The following PTK2 variants were observed in gnomAD, a reference collection of about 807,000 sequenced individuals.
The protein encoded by PTK2 is protein tyrosine kinase 2, also known as focal adhesion kinase 1.
PTK2 carries 45 observed loss-of-function variants against 150.1 expected under a neutral mutation model. The ratio of observed to expected loss-of-function variants is 0.30; its 90% CI spans 0.24 to 0.38. PTK2 has a LOEUF of 0.38. Among genes scored for constraint, PTK2 ranks in the 10% least tolerant of loss-of-function variants. The pLI, the probability that PTK2 is intolerant of heterozygous loss-of-function variation, is 1.00. For synonymous variants in PTK2, 432 were observed against 449.2 expected (o/e 0.96, Z 0.48); for missense variants, 919 against 1,307.3 (o/e 0.70, Z 4.58).
intron 28 of PTK2, 90 bp from the exon 32 acceptor site, chr8:140,674,494 C>CT: frequency 8.5e-7 from 1 of 1,182,460 alleles, no homozygotes; most frequent in Non-Finnish European, 1.2e-6. Flanking sequence ...AATCTCAGCA[C>CT]TTTGGGAGGC....
intron 10 of PTK2, among the ~76,000 whole-genome samples, chr8:140,805,605 C>G (rs1435181783): frequency 6.9e-6 from 1 of 144,470 alleles, no homozygotes; most frequent in African/African-American, 2.5e-5. Flanking sequence ...ATTCCTGAGC[C>G]AAAAAAAAAA....
intron 1 of PTK2, among the ~76,000 whole-genome samples, chr8:140,941,642 G>A (rs1380805151): frequency 2.6e-5 from 4 of 151,722 alleles, no homozygotes; most frequent in East Asian, 3.9e-4. Context: ...AGTTTATTGG[G>A]AAAAAAAATG....
At chr8:140,915,228 GGATGGGGGTACAGT>G (rs1437328249) in intron 2 of PTK2, among the ~76,000 whole-genome samples, 1 of 151,950 alleles carries the variant, frequency 6.6e-6, no homozygotes, top group Non-Finnish European at 1.5e-5. Flanking sequence ...GACAGAACAG[GGATGGGGGTACAGT>G]GATGGCAGGA....
At chr8:140,886,959 C>T (rs1430521146) in intron 3 of PTK2, among the ~76,000 whole-genome samples, 1 of 152,100 alleles carries the variant, frequency 6.6e-6, no homozygotes, top group Non-Finnish European at 1.5e-5. Context: ...ATTGTACAGC[C>T]TGGGTTTCTC....
In PTK2 at chr8:141,000,679, C is replaced by A. The variant is rs556637473; in HGVS notation, c.-122+446G>T. ...CCGGCCTTTTCGAAAGCCGCCCCCC[C>A]CTTCCTCCTCACGTCTCCCGGACTC... On this transcript the variant is annotated intron_variant, in intron 1 of 31. Transcript: ENST00000522684. 3.8e-4 allele frequency among the ~76,000 whole-genome samples: 57 copies of A among 150,044 alleles called. 1 individual carries two copies. The South Asian group carries it at 5.4e-3, about 14-fold the overall frequency.
intron 10 of PTK2, among the ~76,000 whole-genome samples, chr8:140,812,833 T>C (rs1404955958): frequency 6.6e-6 from 1 of 152,134 alleles, no homozygotes; most frequent in East Asian, 1.9e-4. Context: ...AAGGCCTAAC[T>C]ATCCTAAATA....
At chr8:140,865,298 A>C (rs2100138653) in intron 4 of PTK2, among the ~76,000 whole-genome samples, 1 of 152,174 alleles carries the variant, frequency 6.6e-6, no homozygotes, top group Admixed American at 6.5e-5. Flanking sequence ...TCCTGGTCTC[A>C]AGGGATCCTT....
chr8:140,815,051 G>C (rs924751273), intron 10 of PTK2, among the ~76,000 whole-genome samples: 1 of 152,132 alleles, frequency 6.6e-6, no homozygotes, highest in African/African-American at 2.4e-5. Context: ...TGGGATTACA[G>C]GTGTGAGCCA....
At chr8:140,855,366 C>A (rs4961298) in intron 5 of PTK2, among the ~76,000 whole-genome samples, 2 of 151,720 alleles carry the variant, frequency 1.3e-5, no homozygotes, top group Non-Finnish European at 2.9e-5. Context: ...GAGGCCGAGG[C>A]GGGTGGATCA....
At chr8:140,826,808 C>T (rs1396632214) in intron 8 of PTK2, among the ~76,000 whole-genome samples, 1 of 152,082 alleles carries the variant, frequency 6.6e-6, no homozygotes, top group African/African-American at 2.4e-5. Context: ...ATCCCAGCTA[C>T]TCAGGTGGCT....
chr8:140,709,663 A>G (rs2100035704), intron 23 of PTK2, among the ~76,000 whole-genome samples: 2 of 152,236 alleles, frequency 1.3e-5, no homozygotes, highest in African/African-American at 4.8e-5. Flanking sequence ...AAGATCTTTG[A>G]AAATGGCTTT....
rs569979469 is a variant in PTK2, at chr8:140,849,953, C to G, written c.451-3275G>C. On this transcript the variant is annotated intron_variant, in intron 5 of 31. Coordinates refer to ENST00000522684, the Ensembl canonical transcript of PTK2. ...AGAATGAAGATTAACAAATAGGAAC[C>G]ACCTCTCATTTACCCTTGCATCCCC... Among the ~76,000 whole-genome samples the G allele has an allele frequency of 2.2e-4, 34 of 152,252 alleles. No homozygotes were observed. The South Asian group carries it at 7.1e-3, about 32-fold the overall frequency.
chr8:140,798,851 G>A (rs182660634), intron 12 of PTK2, among the ~76,000 whole-genome samples: 1 of 152,118 alleles, frequency 6.6e-6, no homozygotes, highest in African/African-American at 2.4e-5. Flanking sequence ...GTGCGACACT[G>A]GAAGAAGAAA....
At chr8:140,975,536 T>C (rs1419457226) in intron 1 of PTK2, among the ~76,000 whole-genome samples, 2 of 152,132 alleles carry the variant, frequency 1.3e-5, no homozygotes, top group Non-Finnish European at 2.9e-5. Flanking sequence ...CCACATCTAG[T>C]CCACAGCCAG....
chr8:140,939,652 C>T (rs905247161), intron 1 of PTK2, among the ~76,000 whole-genome samples: 2 of 152,210 alleles, frequency 1.3e-5, no homozygotes, highest in Non-Finnish European at 2.9e-5. Context: ...TACCCAAACA[C>T]CATTATTCTA....
At position 140,681,176 on chromosome 8, in the gene PTK2, C is replaced by T. The variant is rs546968654; in HGVS notation, c.2562+5456G>A. Among the ~76,000 whole-genome samples, 5 of 151,370 alleles carry T rather than the reference C, an allele frequency of 3.3e-5. No individual in the cohort carries two copies. The South Asian group carries it at 1.0e-3, about 32-fold the overall frequency. ...GGTCAGGAGTTCAAGACGAGCCTGGCCAACATGGTGAAACCCCGTCTCTAC... is the reference window on the plus strand; with the variant it reads ...GGTCAGGAGTTCAAGACGAGCCTGGTCAACATGGTGAAACCCCGTCTCTAC... On this transcript the variant is annotated intron_variant, in intron 27 of 31. Transcript: ENST00000522684.
At chr8:140,997,178 G>C (rs913614195) in intron 1 of PTK2, among the ~76,000 whole-genome samples, 2 of 152,248 alleles carry the variant, frequency 1.3e-5, no homozygotes, top group Admixed American at 6.5e-5. Context: ...AGTGGAACCT[G>C]ATGATGTGAC....
intron 26 of PTK2, 129 bp from the exon 30 acceptor site, chr8:140,686,823 T>C (rs1364977266): frequency 4.9e-6 from 4 of 817,122 alleles, no homozygotes; most frequent in Non-Finnish European, 7.7e-6. Context: ...AGTTCCCCCG[T>C]TTCAAAAAAA....
At chr8:140,703,685 C>CCTTT (rs1350909231) in intron 24 of PTK2, among the ~76,000 whole-genome samples, 1 of 152,124 alleles carries the variant, frequency 6.6e-6, no homozygotes, top group East Asian at 1.9e-4. Context: ...GTAAGTCGTA[C>CCTTT]CTTTAAGTTC....
Sources: allele counts gnomAD v4.1 joint callset (sites outside exome capture counted in the v4.1 genomes callset), GRCh38; gene constraint gnomAD v4.1.1; transcripts MANE v1.5; gene names NCBI Gene and HGNC (gene_info 2026-07-23, HGNC 2026-07-21).